Variants in SHANK2 observed in about 807,000 individuals in gnomAD.
SHANK2 encodes SH3 and multiple ankyrin repeat domains protein 2.
A neutral mutation model predicts 133.7 loss-of-function variants in SHANK2; 43 were observed. That is an observed-to-expected ratio of 0.32 (90% CI 0.25 to 0.41). The LOEUF is 0.41. Among genes scored for constraint, SHANK2 ranks in the 10% least tolerant of loss-of-function variants. SHANK2 has a pLI of 1.00. For missense variants in SHANK2, 1,994 were observed against 2,235.8 expected (o/e 0.89, Z 2.18); for synonymous variants, 1,017 against 952.8 (o/e 1.07, Z -1.24).
At chr11:70,836,206 GCA>G (rs1319984366) in intron 11 of SHANK2, among the ~76,000 whole-genome samples, 3 of 152,228 alleles carry the variant, frequency 2.0e-5, no homozygotes, top group Admixed American at 1.3e-4. Flanking sequence ...CTGAGCGGCT[GCA>G]CACTCAGAAG....
intron 14 of SHANK2, among the ~76,000 whole-genome samples, chr11:70,748,489 C>T (rs1460521590): frequency 2.0e-5 from 3 of 152,170 alleles, no homozygotes; most frequent in East Asian, 1.9e-4. Flanking sequence ...CAGGAAAAGA[C>T]ACTCCCTAGA....
intron 17 of SHANK2, among the ~76,000 whole-genome samples, chr11:70,599,905 G>GAAAGAAAGAGAA (rs1466206835): frequency 0.026 from 1,932 of 73,476 alleles, 50 homozygotes; most frequent in Admixed American, 0.057. Flanking sequence ...AAGAAAGAAA[G>GAAAGAAAGAGAA]AGAAAGAAAG....
intron 11 of SHANK2, among the ~76,000 whole-genome samples, chr11:70,852,170 C>G (rs1949096264): frequency 6.6e-6 from 1 of 152,190 alleles, no homozygotes. Flanking sequence ...TGACACACGG[C>G]CCACCTGTTA....
chr11:70,498,224 A>C (rs2058999993), intron 21 of SHANK2, among the ~76,000 whole-genome samples: 5 of 152,234 alleles, frequency 3.3e-5, no homozygotes, highest in Admixed American at 3.3e-4. Context: ...TGGGTGAGAG[A>C]GTACAAATGT....
chr11:70,690,626 GT>G (rs1945266321), intron 15 of SHANK2, among the ~76,000 whole-genome samples: 1 of 143,050 alleles, frequency 7.0e-6, no homozygotes, highest in Admixed American at 7.2e-5. Context: ...ACCCTCCACT[GT>G]TTTTTAACTT....
intron 14 of SHANK2, among the ~76,000 whole-genome samples, chr11:70,759,846 A>G (rs1946954027): frequency 6.6e-6 from 1 of 152,338 alleles, no homozygotes; most frequent in Non-Finnish European, 1.5e-5. Context: ...GCCAGCAGCC[A>G]TAACTATAAC....
At chr11:70,744,907 A>G (rs560269) in intron 14 of SHANK2, among the ~76,000 whole-genome samples, 67,832 of 152,038 alleles carry the variant, frequency 0.45, 15,420 homozygotes, top group African/African-American at 0.52. Context: ...GAGTCCAGGT[A>G]GCCACTTCCC....
chr11:70,666,750 C>A (rs782798007), intron 15 of SHANK2, among the ~76,000 whole-genome samples: 4 of 152,230 alleles, frequency 2.6e-5, no homozygotes, highest in Non-Finnish European at 2.9e-5. Context: ...CACCCCCTAA[C>A]CTGCTCACTG....
At chr11:70,762,781 A>AGGCCACCTGGCCCTCTACAGC (rs1304421360) in intron 14 of SHANK2, among the ~76,000 whole-genome samples, 5 of 152,244 alleles carry the variant, frequency 3.3e-5, no homozygotes, top group Non-Finnish European at 5.9e-5. Flanking sequence ...AGGGGCATTA[A>AGGCCACCTGGCCCTCTACAGC]GGCCACCTGG....
intron 6 of SHANK2, among the ~76,000 whole-genome samples, chr11:71,105,076 C>T (rs1165394457): frequency 6.6e-6 from 1 of 152,094 alleles, no homozygotes; most frequent in Non-Finnish European, 1.5e-5. Flanking sequence ...TGGAAGCAGC[C>T]CAGATGTCCT....
chr11:70,795,976 C>G (rs1555049066), intron 14 of SHANK2, among the ~76,000 whole-genome samples: 2 of 152,192 alleles, frequency 1.3e-5, no homozygotes, highest in African/African-American at 4.8e-5. Context: ...GGACATTGTC[C>G]TGGGAGTGTG....
At chr11:71,225,007 C>T (rs1277208418) in intron 1 of SHANK2, among the ~76,000 whole-genome samples, 3 of 152,192 alleles carry the variant, frequency 2.0e-5, no homozygotes, top group Non-Finnish European at 4.4e-5. Flanking sequence ...ACCTAACACT[C>T]TGCAAGGTGG....
At chr11:70,941,411 C>A (rs1462070151) in intron 10 of SHANK2, among the ~76,000 whole-genome samples, 1 of 152,196 alleles carries the variant, frequency 6.6e-6, no homozygotes, top group Non-Finnish European at 1.5e-5. Context: ...TTACGGTAAA[C>A]TGAGAAAACT....
intron 3 of SHANK2, among the ~76,000 whole-genome samples, chr11:71,132,174 G>A (rs1555103809): frequency 6.6e-6 from 1 of 152,242 alleles, no homozygotes; most frequent in African/African-American, 2.4e-5. Context: ...AGAGCAGCGA[G>A]GGAAGGGTGG....
At chr11:70,529,963 T>C (rs2059447005) in intron 17 of SHANK2, among the ~76,000 whole-genome samples, 1 of 152,186 alleles carries the variant, frequency 6.6e-6, no homozygotes, top group Non-Finnish European at 1.5e-5. Context: ...GTTTGGGTTG[T>C]GGGGATGTAG....
rs1565516585 is a variant in SHANK2, at chr11:71,210,212, A to ATATATATG, written c.-13+14484_-13+14485insCATATATA. On this transcript the variant is annotated intron_variant, in intron 2 of 25. Transcript: ENST00000601538. ...TCCTCTTCATTGGAAATCCACAGGT[A>ATATATATG]TATATATATATATATATATATATAT... Among the ~76,000 whole-genome samples the ATATATATG allele has an allele frequency of 4.2e-4, 9 of 21,360 alleles. 2 individuals are homozygous for ATATATATG. The East Asian group carries it at 5.7e-3, about 13-fold the overall frequency. 14.0% of individuals were successfully genotyped at this position (21,360 alleles called of 152,430 possible). A position where few individuals can be genotyped will look rare whatever the true frequency, so the allele number is the denominator to read the frequency against.
In SHANK2 at chr11:71,231,660, G is replaced by A. The variant is rs149769383; in HGVS notation, c.-112-6864C>T. ...ACCAGCACCTTGGGAGGCCAAGGTA[G>A]GTGAATCGCTTTGACCCCAGGTGTT... On this transcript the variant is annotated intron_variant, in intron 1 of 25. Transcript: ENST00000601538. Among the ~76,000 whole-genome samples, 158 of 152,298 alleles carry A rather than the reference G, an allele frequency of 1.0e-3. 1 individual carries two copies. The highest frequency in any genetic ancestry group is 3.6e-3 in the African/African-American group (149 of 41,548).
chr11:70,796,496 C>T (rs1947917821), intron 14 of SHANK2, among the ~76,000 whole-genome samples: 1 of 152,168 alleles, frequency 6.6e-6, no homozygotes, highest in African/African-American at 2.4e-5. Flanking sequence ...GGAGTGGTGG[C>T]TGCTCAGGAA....
intron 5 of SHANK2, among the ~76,000 whole-genome samples, chr11:71,112,192 G>A (rs1316757383): frequency 6.6e-6 from 1 of 152,204 alleles, no homozygotes; most frequent in South Asian, 2.1e-4. Flanking sequence ...TCAGGAGTTT[G>A]AGACCAGCCT....
Sources: allele counts gnomAD v4.1 joint callset (sites outside exome capture counted in the v4.1 genomes callset), GRCh38; gene constraint gnomAD v4.1.1; transcripts MANE v1.5; gene names NCBI Gene and HGNC (gene_info 2026-07-23, HGNC 2026-07-21).